Variants in MAGI2 observed in about 807,000 individuals in gnomAD.
MAGI2 encodes the protein membrane-associated guanylate kinase, WW and PDZ domain-containing protein 2.
Under a neutral mutation model 133.3 loss-of-function variants are expected in MAGI2, and 35 were observed. The ratio of observed to expected loss-of-function variants is 0.26; its 90% CI spans 0.20 to 0.35. MAGI2 has a LOEUF of 0.35. Ranked by LOEUF, MAGI2 falls within the 10% of genes least tolerant of loss-of-function variation. MAGI2 has a pLI of 1.00. For synonymous variants in MAGI2, 729 were observed against 710.6 expected (o/e 1.03, Z -0.41); for missense variants, 1,636 against 1,863.4 (o/e 0.88, Z 2.25).
chr7:79,135,995 GA>G (rs1400952050), intron 1 of MAGI2, among the ~76,000 whole-genome samples: 22 of 37,414 alleles, frequency 5.9e-4, no homozygotes, highest in South Asian at 1.0e-3. Context: ...AAGAAAGAAA[GA>G]AAGAAAGAGA....
Position 78,123,913 on chromosome 7 carries a change from G to C in MAGI2, c.3567+1781C>G, listed in dbSNP as rs184735532. 1.3e-3 allele frequency among the ~76,000 whole-genome samples: 192 copies of C among 152,266 alleles called. 1 individual carries two copies. Among genetic ancestry groups the C allele is most frequent in the African/African-American group, 4.5e-3 (188 of 41,546 alleles). ...AGTTTCCAGGTGATGCTGATGCCAG[G>C]AACCGTGCTGAGAACCATTGCTCTG... On this transcript the variant is annotated intron_variant, in intron 20 of 21. Transcript: ENST00000354212.
chr7:78,486,096 A>C (rs968521767), intron 6 of MAGI2: 2 of 152,114 alleles, frequency 1.3e-5, no homozygotes, highest in Non-Finnish European at 2.9e-5. Context: ...TGGCCTGGGA[A>C]GAAGGCCGCT....
At chr7:79,179,359 A>C (rs1826408011) in intron 1 of MAGI2, among the ~76,000 whole-genome samples, 1 of 151,996 alleles carries the variant, frequency 6.6e-6, no homozygotes, top group African/African-American at 2.4e-5. Flanking sequence ...ACCCAAAGCA[A>C]TCAACAGATT....
At chr7:78,182,203 A>G (rs1405294186) in intron 13 of MAGI2, among the ~76,000 whole-genome samples, 1 of 152,182 alleles carries the variant, frequency 6.6e-6, no homozygotes, top group Non-Finnish European at 1.5e-5. Context: ...GATCTAGGAA[A>G]GTTAGCATGA....
chr7:79,401,699 A>G (rs1231165665), intron 1 of MAGI2, among the ~76,000 whole-genome samples: 1 of 152,150 alleles, frequency 6.6e-6, no homozygotes, highest in Non-Finnish European at 1.5e-5. Context: ...TGATTACTAT[A>G]TTGGTATTCT....
intron 9 of MAGI2, among the ~76,000 whole-genome samples, chr7:78,339,837 G>C (rs577573637): frequency 6.6e-6 from 1 of 152,266 alleles, no homozygotes; most frequent in South Asian, 2.1e-4. Flanking sequence ...GAAACGTGGT[G>C]AGTTAGTTTT....
chr7:78,436,788 C>A (rs575097700), intron 6 of MAGI2, among the ~76,000 whole-genome samples: 31 of 152,122 alleles, frequency 2.0e-4, no homozygotes, highest in African/African-American at 7.0e-4. Context: ...AGCTCCCAGC[C>A]GCATCCCCAA....
intron 1 of MAGI2, among the ~76,000 whole-genome samples, chr7:79,347,165 C>T (rs180903804): frequency 0.012 from 1,831 of 152,034 alleles, 21 homozygotes; most frequent in Non-Finnish European, 0.02. Flanking sequence ...GAGCCTGTTC[C>T]ATAAATATTT....
intron 1 of MAGI2, among the ~76,000 whole-genome samples, chr7:79,387,129 T>TGTGTGTGTGTGTGTGTGTGTG (rs1563176235): frequency 6.6e-6 from 1 of 151,356 alleles, no homozygotes; most frequent in African/African-American, 2.4e-5. Context: ...TGTGTGTGTG[T>TGTGTGTGTGTGTGTGTGTGTG]TAACATTAAC....
intron 1 of MAGI2, among the ~76,000 whole-genome samples, chr7:79,324,920 T>C (rs921921403): frequency 4.6e-5 from 7 of 151,344 alleles, no homozygotes; most frequent in African/African-American, 1.2e-4. Context: ...GGATAACTTA[T>C]ATAAAATAGG....
chr7:78,230,703 T>C (rs1026492483), intron 10 of MAGI2, among the ~76,000 whole-genome samples: 9 of 152,266 alleles, frequency 5.9e-5, no homozygotes, highest in Admixed American at 5.2e-4. Flanking sequence ...AGAGAAACAA[T>C]TGGAAGGCCC....
chr7:79,398,029 T>C (rs1396839353), intron 1 of MAGI2, among the ~76,000 whole-genome samples: 1 of 152,198 alleles, frequency 6.6e-6, no homozygotes, highest in Non-Finnish European at 1.5e-5. Flanking sequence ...ATATGTTTTG[T>C]CCATGTGCCT....
At chr7:78,397,659 C>T (rs1414194414) in intron 6 of MAGI2, among the ~76,000 whole-genome samples, 2 of 152,044 alleles carry the variant, frequency 1.3e-5, no homozygotes, top group African/African-American at 2.4e-5. Context: ...CTCAGAAACT[C>T]GAAGTCTAAC....
intron 2 of MAGI2, among the ~76,000 whole-genome samples, chr7:78,640,806 T>G (rs767706430): frequency 2.6e-5 from 4 of 152,224 alleles, no homozygotes; most frequent in Non-Finnish European, 5.9e-5. Context: ...CTAGAAAGGC[T>G]GAGGCTGGCC....
At chr7:78,544,674 T>C (rs779873614) in intron 3 of MAGI2, among the ~76,000 whole-genome samples, 5 of 152,058 alleles carry the variant, frequency 3.3e-5, no homozygotes, top group African/African-American at 1.2e-4. Flanking sequence ...ATGCCAGACA[T>C]TGAATCAGAA....
At chr7:78,324,445 C>T (rs762667108) in intron 9 of MAGI2, among the ~76,000 whole-genome samples, 1 of 152,148 alleles carries the variant, frequency 6.6e-6, no homozygotes, top group Non-Finnish European at 1.5e-5. Context: ...AGGCTTATTG[C>T]ACACTGCTGG....
chr7:79,241,479 T>G (rs112809556), intron 1 of MAGI2, among the ~76,000 whole-genome samples: 5,478 of 152,214 alleles, frequency 0.036, 149 homozygotes, highest in African/African-American at 0.07. Context: ...AGTTTAACTT[T>G]AAGGCAAGGA....
chr7:78,854,051 T>C (rs887749022), intron 2 of MAGI2, among the ~76,000 whole-genome samples: 1 of 152,168 alleles, frequency 6.6e-6, no homozygotes, highest in Non-Finnish European at 1.5e-5. Flanking sequence ...GAAATTCATC[T>C]ACAATCCTTT....
chr7:78,289,573 A>G (rs1796488604), intron 9 of MAGI2, among the ~76,000 whole-genome samples: 1 of 152,194 alleles, frequency 6.6e-6, no homozygotes, highest in Non-Finnish European at 1.5e-5. Context: ...AAGGGAGCCA[A>G]CATTCAAATT....
Sources: gnomAD v4.1 joint callset for allele counts (sites outside exome capture counted in the v4.1 genomes callset) on GRCh38, gnomAD v4.1.1 for gene constraint, MANE v1.5 for transcripts, NCBI Gene and HGNC (gene_info 2026-07-23, HGNC 2026-07-21) for gene names.